The following SPOCK3 variants were observed in gnomAD, a reference collection of about 807,000 sequenced individuals.
The protein encoded by SPOCK3 is SPARC (osteonectin), cwcv and kazal like domains proteoglycan 3.
A neutral mutation model predicts 56.6 loss-of-function variants in SPOCK3; 30 were observed. The ratio of observed to expected loss-of-function variants is 0.53; its 90% CI spans 0.40 to 0.72. SPOCK3 has a LOEUF of 0.72. SPOCK3 is among the 30% of genes least tolerant of loss of function. SPOCK3 has a pLI of 0.00. For missense variants in SPOCK3, 527 were observed against 530.0 expected (o/e 0.99, Z 0.06); for synonymous variants, 196 against 183.3 (o/e 1.07, Z -0.56).
chr4:167,003,367 CAT>C (rs1414614329), intron 3 of SPOCK3, among the ~76,000 whole-genome samples: 1 of 152,138 alleles, frequency 6.6e-6, no homozygotes, highest in Admixed American at 6.6e-5. Context: ...ACTTTCTGTG[CAT>C]GAGATTTTAA....
At chr4:166,848,274 G>T (rs968400192) in intron 6 of SPOCK3, among the ~76,000 whole-genome samples, 2 of 152,128 alleles carry the variant, frequency 1.3e-5, no homozygotes, top group Non-Finnish European at 2.9e-5. Flanking sequence ...ATGTACTTTT[G>T]TTGACTAGAA....
At chr4:167,154,884 A>C (rs959263865) in intron 2 of SPOCK3, among the ~76,000 whole-genome samples, 1 of 152,140 alleles carries the variant, frequency 6.6e-6, no homozygotes, top group African/African-American at 2.4e-5. Context: ...AAGTAGTGAC[A>C]ATAATGCTGC....
intron 5 of SPOCK3, among the ~76,000 whole-genome samples, chr4:166,895,527 T>C (rs1735285058): frequency 6.6e-6 from 1 of 151,962 alleles, no homozygotes; most frequent in Non-Finnish European, 1.5e-5. Flanking sequence ...TACTTCAAAG[T>C]AGTAGATGAT....
chr4:167,070,909 G>A (rs927971317), intron 2 of SPOCK3, among the ~76,000 whole-genome samples: 1 of 151,934 alleles, frequency 6.6e-6, no homozygotes, highest in African/African-American at 2.4e-5. Context: ...TATTACCCAG[G>A]TAGCACTCAT....
intron 8 of SPOCK3, among the ~76,000 whole-genome samples, chr4:166,743,033 G>C (rs974463132): frequency 3.9e-5 from 6 of 152,078 alleles, no homozygotes; most frequent in African/African-American, 1.4e-4. Flanking sequence ...TGAGTGACTT[G>C]ATTTTGGTGT....
intron 7 of SPOCK3, among the ~76,000 whole-genome samples, chr4:166,781,436 A>G (rs1397301857): frequency 6.6e-6 from 1 of 151,938 alleles, no homozygotes; most frequent in Admixed American, 6.6e-5. Context: ...ACAGAGGAGG[A>G]GGAGGAGGAA....
At chr4:166,776,466 A>T (rs2126596243) in intron 7 of SPOCK3, among the ~76,000 whole-genome samples, 1 of 152,070 alleles carries the variant, frequency 6.6e-6, no homozygotes, top group Non-Finnish European at 1.5e-5. Flanking sequence ...CAACAAAAAC[A>T]TTTTCTGCTG....
At chr4:167,035,886 G>A (rs2150189859) in intron 3 of SPOCK3, among the ~76,000 whole-genome samples, 1 of 152,162 alleles carries the variant, frequency 6.6e-6, no homozygotes, top group Admixed American at 6.6e-5. Flanking sequence ...GCAACTCCAT[G>A]TCATTCTGCA....
chr4:167,201,554 ACTGT>A (rs1265914340), intron 2 of SPOCK3, among the ~76,000 whole-genome samples: 4 of 152,040 alleles, frequency 2.6e-5, no homozygotes, highest in East Asian at 1.9e-4. Context: ...CAAGAGTAAT[ACTGT>A]CTAATTAATA....
intron 2 of SPOCK3, among the ~76,000 whole-genome samples, chr4:167,142,159 A>T (rs1455175799): frequency 2.0e-5 from 3 of 152,144 alleles, no homozygotes; most frequent in South Asian, 4.1e-4. Flanking sequence ...TGTGTTTAAC[A>T]GACTCTTCTT....
intron 4 of SPOCK3, among the ~76,000 whole-genome samples, chr4:166,985,275 A>T (rs963428138): frequency 1.3e-5 from 2 of 152,172 alleles, no homozygotes; most frequent in Admixed American, 1.3e-4. Flanking sequence ...GTCTTTTCAA[A>T]TTGACTGCAA....
chr4:166,745,557 A>G (rs1579097747), intron 8 of SPOCK3, among the ~76,000 whole-genome samples: 1 of 152,242 alleles, frequency 6.6e-6, no homozygotes, highest in Admixed American at 6.5e-5. Context: ...AAGACCATTG[A>G]CACTAGGAAG....
chr4:167,151,878 G>T (rs1764457650), intron 2 of SPOCK3, among the ~76,000 whole-genome samples: 1 of 152,110 alleles, frequency 6.6e-6, no homozygotes. Flanking sequence ...TGGTTTCATT[G>T]CTATGCTCTG....
At chr4:166,872,227 T>C (rs1231840556) in intron 6 of SPOCK3, among the ~76,000 whole-genome samples, 1 of 152,082 alleles carries the variant, frequency 6.6e-6, no homozygotes, top group African/African-American at 2.4e-5. Context: ...AGTAATAGAA[T>C]ATGTAACAGA....
chr4:167,142,942 C>T (rs1249170514), intron 2 of SPOCK3, among the ~76,000 whole-genome samples: 1 of 151,758 alleles, frequency 6.6e-6, no homozygotes, highest in Non-Finnish European at 1.5e-5. Context: ...AAAAGGAAGT[C>T]AATACATAAT....
At chr4:167,045,607 C>A (rs1231110750) in intron 3 of SPOCK3, among the ~76,000 whole-genome samples, 1 of 151,754 alleles carries the variant, frequency 6.6e-6, no homozygotes, top group East Asian at 1.9e-4. Flanking sequence ...AGTAGTTTCC[C>A]TAGAGTTTGT....
intron 3 of SPOCK3, among the ~76,000 whole-genome samples, chr4:167,038,068 G>T (rs1752919940): frequency 6.6e-6 from 1 of 152,036 alleles, no homozygotes; most frequent in Non-Finnish European, 1.5e-5. Context: ...CAGTTTCAAC[G>T]GCACATGCTA....
At chr4:166,770,274 C>T (rs150716959) in intron 7 of SPOCK3, among the ~76,000 whole-genome samples, 233 of 152,266 alleles carry the variant, frequency 1.5e-3, no homozygotes, top group African/African-American at 5.3e-3. Flanking sequence ...TCTTCTGTGT[C>T]GCTCACACTG....
At chr4:166,989,066 G>A (rs1747487467) in intron 4 of SPOCK3, among the ~76,000 whole-genome samples, 1 of 151,922 alleles carries the variant, frequency 6.6e-6, no homozygotes, top group Non-Finnish European at 1.5e-5. Context: ...AGAAACCTAC[G>A]AAAATGATAA....
Sources: gnomAD v4.1 joint callset for allele counts (sites outside exome capture counted in the v4.1 genomes callset) on GRCh38, gnomAD v4.1.1 for gene constraint, MANE v1.5 for transcripts, NCBI Gene and HGNC (gene_info 2026-07-23, HGNC 2026-07-21) for gene names.